The following CARM1 variants were observed in gnomAD, a reference collection of about 807,000 sequenced individuals.
CARM1 encodes the protein histone-arginine methyltransferase CARM1.
A neutral mutation model predicts 72.7 loss-of-function variants in CARM1; 14 were observed. The observed-to-expected ratio is 0.19, with a 90% confidence interval of 0.13 to 0.30. CARM1 has a LOEUF of 0.30. Ranked by LOEUF, CARM1 falls within the 10% of genes least tolerant of loss-of-function variation. The probability of loss-of-function intolerance (pLI) is 1.00; values close to 1 mark genes in which losing one functional copy is unlikely to be tolerated. For synonymous variants in CARM1, 333 were observed against 345.5 expected (o/e 0.96, Z 0.40); for missense variants, 432 against 833.7 (o/e 0.52, Z 5.93).
At chr19:10,899,033 GTTTTTTT>G (rs34563725) in intron 1 of CARM1, among the ~76,000 whole-genome samples, 2 of 117,458 alleles carry the variant, frequency 1.7e-5, no homozygotes, top group Non-Finnish European at 3.5e-5. Flanking sequence ...GGCTTAGCTT[GTTTTTTT>G]TTTTTTTTTT....
intron 14 of CARM1, 95 bp from the exon 15 acceptor site, chr19:10,921,280 C>T: frequency 5.3e-6 from 8 of 1,495,978 alleles, no homozygotes; most frequent in Non-Finnish European, 7.4e-6. Context: ...TCCGTCCTCT[C>T]TGCCTCGCTC....
At chr19:10,913,609 G>T (rs2074171642) in intron 5 of CARM1, among the ~76,000 whole-genome samples, 1 of 152,012 alleles carries the variant, frequency 6.6e-6, no homozygotes, top group Non-Finnish European at 1.5e-5. Context: ...TGTTGGTCAG[G>T]CTAGTCTCCC....
Position 10,915,574 on chromosome 19 carries a change from C to A in CARM1, c.848-833C>A, listed in dbSNP as rs970472202. On this transcript the variant is annotated intron_variant, in intron 6 of 15. Coordinates refer to ENST00000327064, the MANE Select transcript of CARM1 (RefSeq NM_199141.2). This position sits in a 1 kb window ranked among gnomAD's most constrained non-coding sequence, Gnocchi z 4.6. The stretch of plus-strand genomic sequence containing the variant: ...CCCAGGTCCCCCAGGGCAGAAGCCG[C>A]AGCATGTGCATCTCCCTCCCCGTTC... Among the ~76,000 whole-genome samples the A allele has an allele frequency of 6.6e-6, 1 of 152,144 alleles. No homozygotes were observed. Among genetic ancestry groups the A allele is most frequent in the African/African-American group, 2.4e-5 (1 of 41,438 alleles).
At chr19:10,875,007 G>A (rs2073852035) in intron 1 of CARM1, among the ~76,000 whole-genome samples, 1 of 150,284 alleles carries the variant, frequency 6.7e-6, no homozygotes, top group Non-Finnish European at 1.5e-5. Context: ...CTGGGTGACA[G>A]AGCAAGACCC....
intron 9 of CARM1, 73 bp downstream of exon 9, chr19:10,919,753 G>A (rs551670823): frequency 2.5e-5 from 38 of 1,523,046 alleles, no homozygotes; most frequent in Middle Eastern, 1.7e-4. Flanking sequence ...GGCTCCCGCC[G>A]GCATCCTGCC....
At position 10,894,681 on chromosome 19, in the gene CARM1, G is replaced by A. The variant is rs192682305; in HGVS notation, c.221-10270G>A. On this transcript the variant is annotated intron_variant, in intron 1 of 15. Transcript: ENST00000327064. ...AAATGTGGCCTTTCTCCCCCGAGCT[G>A]CTGCTGCTTTTCTTCTTGCCCTCCA... Among the ~76,000 whole-genome samples the A allele has an allele frequency of 2.6e-5, 4 of 151,228 alleles. No homozygotes were observed. In the East Asian group the frequency reaches 5.8e-4, roughly 22 times the overall value.
At chr19:10,890,265 G>GT (rs71164129) in intron 1 of CARM1, among the ~76,000 whole-genome samples, 3 of 144,520 alleles carry the variant, frequency 2.1e-5, no homozygotes, top group African/African-American at 5.3e-5. Flanking sequence ...TTTTTGTTTT[G>GT]TTTGTTTTTT....
At chr19:10,890,764 T>TATAC (rs1555725257) in intron 1 of CARM1, among the ~76,000 whole-genome samples, 16 of 67,766 alleles carry the variant, frequency 2.4e-4, no homozygotes, top group Middle Eastern at 0.014. Flanking sequence ...CACACACATA[T>TATAC]ACACACACAC....
rs55667142 is a variant in CARM1 at position 10,920,123 on chromosome 19, GGTGTGTGT to G, written c.1196+170_1196+177del. Among the ~76,000 whole-genome samples the G allele has an allele frequency of 2.7e-5, 4 of 149,932 alleles. No individual in the cohort carries two copies. The highest frequency in any genetic ancestry group is 6.6e-5 in the Admixed American group (1 of 15,068). On this transcript the variant is annotated intron_variant, in intron 10 of 15. Coordinates refer to ENST00000327064, the MANE Select transcript of CARM1 (RefSeq NM_199141.2). The surrounding 1 kb of genome is among the most constrained non-coding windows in gnomAD (Gnocchi z 5.3). ...CGGAGCAAGAGACTGTTGTGGGTGG[GGTGTGTGT>G]GTGTGTGTGTGTATGTGTGTGTGTG...
chr19:10,883,079 C>G lies in CARM1; in HGVS notation c.220+11157C>G, dbSNP rs560424673. ...GAATGCTATCCCTGGCCTCCCAGCA[C>G]TCTCTGGGTTAGAGGCTGCAGGCGG... On this transcript the variant is annotated intron_variant, in intron 1 of 15. Coordinates refer to ENST00000327064, the MANE Select transcript of CARM1 (RefSeq NM_199141.2). Among the ~76,000 whole-genome samples, 249 of 152,248 alleles carry G rather than the reference C, an allele frequency of 1.6e-3. 6 individuals are homozygous for G. In the South Asian group the frequency reaches 0.049, roughly 30 times the overall value.
chr19:10,898,624 A>T (rs1191578322), intron 1 of CARM1, among the ~76,000 whole-genome samples: 3 of 152,184 alleles, frequency 2.0e-5, no homozygotes, highest in African/African-American at 7.2e-5. Flanking sequence ...CCTTGAGAGG[A>T]TGCCACAGTG....
chr19:10,894,201 C>T (rs1017478167), intron 1 of CARM1, among the ~76,000 whole-genome samples: 4 of 152,162 alleles, frequency 2.6e-5, no homozygotes, highest in African/African-American at 9.7e-5. Flanking sequence ...TCCTGTTGTC[C>T]GTCTCCTCAC....
rs760088585 is a variant in CARM1, at chr19:10,921,805, T to C, written c.*48T>C. 2.6e-6 allele frequency: 4 copies of C among 1,532,094 alleles called. No homozygotes were observed. The South Asian group carries it at 4.9e-5, about 19-fold the overall frequency. The allele number at this position is 1,532,094 out of a possible 1,614,324, so 94.9% of individuals were successfully genotyped here. A position where few individuals can be genotyped will look rare whatever the true frequency, so the allele number is the denominator to read the frequency against. ...GCACCAGGAAACCAAATGATGTCCC[T>C]GCCCGCCGCCCCCGCCGGGCGGCTT... On this transcript the variant is annotated 3_prime_UTR_variant, in exon 16 of 16. Coordinates refer to ENST00000327064, the MANE Select transcript of CARM1 (RefSeq NM_199141.2).
Position 10,908,059 on chromosome 19 carries a change from A to G in CARM1, c.367A>G (p.Ile123Val), listed in dbSNP as rs777317406. 1 of 1,613,762 alleles carries G rather than the reference A, an allele frequency of 6.2e-7. No homozygotes were observed. Among genetic ancestry groups the G allele is most frequent in the South Asian group, 1.1e-5 (1 of 91,068 alleles). Reference sequence around the variant, plus strand: ...TCCAGATTTCTGTTCCTTCTACAACATCCTGAAAACCTGCCGGGGCCACAC... The same window carrying G: ...TCCAGATTTCTGTTCCTTCTACAACGTCCTGAAAACCTGCCGGGGCCACAC... ...TPNDFCSFYN[I>V]LKTCRGHTLE... is the part of the protein sequence containing the mutation. Residue 123 changes from isoleucine to valine, a missense_variant, in exon 3 of 16, where the codon ATC becomes GTC. Around this residue, in one of 3 missense-constraint regions of CARM1, gnomAD observed 138 missense variants for 192.3 expected, o/e 0.72. Transcript: ENST00000327064.
chr19:10,873,853 A>G (rs1257901952), intron 1 of CARM1, among the ~76,000 whole-genome samples: 1 of 151,474 alleles, frequency 6.6e-6, no homozygotes, highest in Admixed American at 6.6e-5. Flanking sequence ...GTTAGCCAGG[A>G]TGGTCTTGAT....
At chr19:10,877,342 A>G (rs2073872100) in intron 1 of CARM1, among the ~76,000 whole-genome samples, 1 of 151,938 alleles carries the variant, frequency 6.6e-6, no homozygotes, top group Non-Finnish European at 1.5e-5. Context: ...AAAATGCTTG[A>G]CCTTGGGGGC....
At position 10,914,137 on chromosome 19, in the gene CARM1, C is replaced by T. The variant is rs927171764; in HGVS notation, c.847+83C>T. ...AGCCAGGCCATCAGTGCTTCAGCTC[C>T]CTGCTTACTGTCGGTGGCCCGGGGT... is the stretch of plus-strand genomic sequence containing the variant. On this transcript the variant is annotated intron_variant, in intron 6 of 15. Transcript: ENST00000327064. 24 of 1,354,970 alleles carry T rather than the reference C, an allele frequency of 1.8e-5. No homozygotes were observed. The African/African-American group carries it at 3.4e-4, about 19-fold the overall frequency. 83.9% of individuals were successfully genotyped at this position (1,354,970 alleles called of 1,614,324 possible).
At chr19:10,911,894 A>G (rs1191792337) in intron 4 of CARM1, among the ~76,000 whole-genome samples, 1 of 152,206 alleles carries the variant, frequency 6.6e-6, no homozygotes, top group African/African-American at 2.4e-5. Flanking sequence ...ATGCTTTTCA[A>G]CTGCCAGTGA....
chr19:10,920,995 G>T lies in CARM1; in HGVS notation c.1537+49G>T. On this transcript the variant is annotated intron_variant, in intron 13 of 15. Transcript: ENST00000327064. The surrounding 1 kb of genome is among the most constrained non-coding windows in gnomAD (Gnocchi z 5.3). ...CCAGCCAACCCGGGAGGCCGCCCTC[G>T]CCGCAGGCCTGGCCCCTCTGCCTCC... 1 of 1,612,364 alleles carries T rather than the reference G, an allele frequency of 6.2e-7. No homozygotes were observed. The highest frequency in any genetic ancestry group is 8.5e-7 in the Non-Finnish European group (1 of 1,178,518).
Sources: allele counts gnomAD v4.1 joint callset (sites outside exome capture counted in the v4.1 genomes callset), GRCh38; gene constraint gnomAD v4.1.1; regional missense constraint gnomAD v4.1.1; non-coding constraint Gnocchi (gnomAD v3.1); transcripts MANE v1.5; gene names NCBI Gene and HGNC (gene_info 2026-07-23, HGNC 2026-07-21).